CCSER1: variants seen among roughly 807,000 people sequenced by gnomAD.
CCSER1 encodes coiled-coil serine rich protein 1.
CCSER1 carries 41 observed loss-of-function variants against 82.0 expected under a neutral mutation model. The observed-to-expected ratio is 0.50, with a 90% CI of 0.39 to 0.65. The LOEUF (loss-of-function observed/expected upper bound fraction) is 0.65, where lower values mean the gene tolerates loss of function less well. Ranked by LOEUF, CCSER1 falls within the 30% of genes least tolerant of loss-of-function variation. CCSER1 has a pLI of 0.00. For synonymous variants in CCSER1, 414 were observed against 383.9 expected (o/e 1.08, Z -0.92); for missense variants, 1,119 against 1,064.2 (o/e 1.05, Z -0.72).
At chr4:91,509,128 G>T (rs181335356) in intron 10 of CCSER1, among the ~76,000 whole-genome samples, 1 of 150,960 alleles carries the variant, frequency 6.6e-6, no homozygotes, top group Admixed American at 6.6e-5. Flanking sequence ...TCTTCCTTCT[G>T]CTTGCTTTGG....
At chr4:90,707,231 C>T (rs1739520899) in intron 6 of CCSER1, among the ~76,000 whole-genome samples, 1 of 151,908 alleles carries the variant, frequency 6.6e-6, no homozygotes, top group Non-Finnish European at 1.5e-5. Context: ...TGGATTTTAG[C>T]TCCTTGAACT....
intron 10 of CCSER1, among the ~76,000 whole-genome samples, chr4:91,585,850 A>G (rs1030358987): frequency 2.0e-5 from 3 of 151,712 alleles, no homozygotes; most frequent in African/African-American, 7.2e-5. Flanking sequence ...AGAGTGATGT[A>G]GGCCATTACA....
At chr4:90,919,549 A>G (rs948854092) in intron 8 of CCSER1, among the ~76,000 whole-genome samples, 1 of 151,952 alleles carries the variant, frequency 6.6e-6, no homozygotes, top group South Asian at 2.1e-4. Flanking sequence ...TAATAATTAA[A>G]GTGGTAATGC....
intron 6 of CCSER1, among the ~76,000 whole-genome samples, chr4:90,673,851 T>A (rs1026795155): frequency 6.6e-6 from 1 of 152,020 alleles, no homozygotes; most frequent in African/African-American, 2.4e-5. Context: ...TTAGTACCAC[T>A]TGTCAGGCAT....
rs114886700 is a variant in CCSER1 at position 90,747,567 on chromosome 4, G to A, written c.2010+23576G>A. Among the ~76,000 whole-genome samples the A allele has an allele frequency of 3.1e-3, 473 of 151,954 alleles. 1 individual carries two copies. Among genetic ancestry groups the A allele is most frequent in the African/African-American group, 0.011 (440 of 41,446 alleles). The stretch of plus-strand genomic sequence containing the variant: ...ATGCAGAGTTTAATTTAATCTACCT[G>A]TTTTCAGTAGGATATTCTCTTTCTC... On this transcript the variant is annotated intron_variant, in intron 7 of 10. Coordinates refer to ENST00000509176, the MANE Select transcript of CCSER1 (RefSeq NM_001145065.2).
chr4:90,566,164 G>T (rs1360534339), intron 5 of CCSER1, among the ~76,000 whole-genome samples: 1 of 151,316 alleles, frequency 6.6e-6, no homozygotes, highest in Non-Finnish European at 1.5e-5. Flanking sequence ...AGCCACAAAT[G>T]ATCTTTTTAA....
At chr4:91,445,208 T>G (rs1261726230) in intron 10 of CCSER1, among the ~76,000 whole-genome samples, 3 of 152,174 alleles carry the variant, frequency 2.0e-5, no homozygotes, top group Non-Finnish European at 4.4e-5. Context: ...TCTTGCCTGC[T>G]GCTGTGCAAA....
chr4:91,495,706 T>A (rs1758766191), intron 10 of CCSER1, among the ~76,000 whole-genome samples: 1 of 151,576 alleles, frequency 6.6e-6, no homozygotes, highest in Admixed American at 6.6e-5. Flanking sequence ...TATTGTCTGA[T>A]TTTGTGTCAG....
chr4:91,165,198 G>A (rs1299304399), intron 10 of CCSER1, among the ~76,000 whole-genome samples: 1 of 152,178 alleles, frequency 6.6e-6, no homozygotes, highest in African/African-American at 2.4e-5. Context: ...TCCCTCAGCT[G>A]CAGGTCTGTT....
At chr4:90,401,159 A>G (rs1578283074) in intron 4 of CCSER1, among the ~76,000 whole-genome samples, 1 of 152,192 alleles carries the variant, frequency 6.6e-6, no homozygotes, top group Non-Finnish European at 1.5e-5. Context: ...CAAACAAGAA[A>G]CTGCATTTAA....
intron 1 of CCSER1, among the ~76,000 whole-genome samples, chr4:90,132,297 CA>C (rs1722949056): frequency 6.6e-6 from 1 of 152,156 alleles, no homozygotes; most frequent in Non-Finnish European, 1.5e-5. Flanking sequence ...GTATGACTGA[CA>C]GCTTCTGCAT....
chr4:90,914,845 C>T (rs1561354776), intron 8 of CCSER1, among the ~76,000 whole-genome samples: 1 of 152,172 alleles, frequency 6.6e-6, no homozygotes, highest in Non-Finnish European at 1.5e-5. Context: ...CACCCCCAAT[C>T]CCACAGAAAT....
intron 9 of CCSER1, among the ~76,000 whole-genome samples, chr4:91,073,177 A>G (rs1189616607): frequency 6.6e-6 from 1 of 152,086 alleles, no homozygotes; most frequent in Non-Finnish European, 1.5e-5. Context: ...AGTTTGATAA[A>G]TTTTGACATT....
chr4:90,591,966 T>C (rs1560774717), intron 5 of CCSER1, among the ~76,000 whole-genome samples: 1 of 152,004 alleles, frequency 6.6e-6, no homozygotes, highest in East Asian at 1.9e-4. Flanking sequence ...TTCTCACTCA[T>C]AAGTGGGAGT....
intron 3 of CCSER1, among the ~76,000 whole-genome samples, chr4:90,372,296 T>C (rs1019421654): frequency 6.6e-6 from 1 of 152,162 alleles, no homozygotes; most frequent in African/African-American, 2.4e-5. Flanking sequence ...TCACTTTGAA[T>C]GGACCAATAA....
At chr4:90,147,188 C>G (rs1484205381) in intron 1 of CCSER1, among the ~76,000 whole-genome samples, 3 of 151,484 alleles carry the variant, frequency 2.0e-5, no homozygotes, top group Admixed American at 1.3e-4. Flanking sequence ...AGACACTTTA[C>G]TGTGTCTTTC....
chr4:91,245,341 C>T (rs1739685441), intron 10 of CCSER1, among the ~76,000 whole-genome samples: 1 of 152,046 alleles, frequency 6.6e-6, no homozygotes, highest in Admixed American at 6.6e-5. Context: ...TACCTCTAGG[C>T]ATTGAATAAT....
intron 10 of CCSER1, among the ~76,000 whole-genome samples, chr4:91,424,166 G>A (rs571064162): frequency 8.6e-5 from 13 of 151,130 alleles, no homozygotes; most frequent in Non-Finnish European, 1.6e-4. Flanking sequence ...ACAGGCGCCC[G>A]CCACCGCGCC....
intron 7 of CCSER1, among the ~76,000 whole-genome samples, chr4:90,800,232 A>G (rs886075674): frequency 1.3e-5 from 2 of 152,260 alleles, no homozygotes; most frequent in African/African-American, 2.4e-5. Context: ...AACTTTTAAT[A>G]TAATGTTTTA....
Sources: allele counts gnomAD v4.1 joint callset (sites outside exome capture counted in the v4.1 genomes callset), GRCh38; gene constraint gnomAD v4.1.1; transcripts MANE v1.5; gene names NCBI Gene and HGNC (gene_info 2026-07-23, HGNC 2026-07-21).